Variants in DEPTOR observed in about 807,000 individuals in gnomAD.
DEPTOR encodes the protein DEP domain containing MTOR interacting protein, also known as DEP domain-containing mTOR-interacting protein.
In DEPTOR, 41 loss-of-function variants were observed where a neutral mutation model predicts 41.6. That is an observed-to-expected ratio of 0.98 (90% confidence interval 0.77 to 1.28). The LOEUF is 1.28. DEPTOR is among the 50% of genes most tolerant of loss of function. The probability of loss-of-function intolerance (pLI) is 0.00; values close to 1 mark genes in which losing one functional copy is unlikely to be tolerated. For missense variants in DEPTOR, 514 were observed against 527.9 expected, an observed-to-expected ratio of 0.97 and a Z score of 0.26; for synonymous variants, 195 against 192.3, an observed-to-expected ratio of 1.01 and a Z score of -0.12.
intron 8 of DEPTOR, among the ~76,000 whole-genome samples, chr8:120,045,974 C>T (rs1485656519): frequency 1.3e-5 from 2 of 152,124 alleles, no homozygotes; most frequent in Non-Finnish European, 2.9e-5. Flanking sequence ...GCTCATCCTC[C>T]CACACATACA....
chr8:119,947,209 C>G (rs909349909), intron 3 of DEPTOR, among the ~76,000 whole-genome samples: 2 of 152,190 alleles, frequency 1.3e-5, no homozygotes, highest in African/African-American at 4.8e-5. Context: ...CTCTCCGGAG[C>G]CATGGATGTT....
At chr8:119,928,633 T>C (rs1827994953) in intron 2 of DEPTOR, 55 bp downstream of exon 2, 1 of 1,563,510 alleles carries the variant, frequency 6.4e-7, no homozygotes, top group Admixed American at 1.9e-5. Context: ...ACTAGATCTT[T>C]TCATGAACAT....
intron 8 of DEPTOR, among the ~76,000 whole-genome samples, chr8:120,017,427 A>G (rs1205912272): frequency 1.3e-5 from 2 of 152,234 alleles, no homozygotes; most frequent in African/African-American, 4.8e-5. Context: ...AGCCCAAGAG[A>G]TGACATATTC....
intron 8 of DEPTOR, among the ~76,000 whole-genome samples, chr8:120,024,610 G>T (rs1396267064): frequency 6.6e-6 from 1 of 152,158 alleles, no homozygotes; most frequent in Non-Finnish European, 1.5e-5. Context: ...ACGCGAAGGG[G>T]AATTGTCCAT....
intron 3 of DEPTOR, among the ~76,000 whole-genome samples, 165 bp downstream of exon 3, chr8:119,930,103 A>G (rs1828022722): frequency 6.6e-6 from 1 of 152,246 alleles, no homozygotes; most frequent in African/African-American, 2.4e-5. Flanking sequence ...TCTCTTTGCC[A>G]GAAAATAAGT....
intron 1 of DEPTOR, among the ~76,000 whole-genome samples, chr8:119,892,281 G>A (rs762318574): frequency 1.3e-5 from 2 of 152,166 alleles, no homozygotes; most frequent in Non-Finnish European, 2.9e-5. Flanking sequence ...TTACAGGCAT[G>A]AGCTACTATA....
At chr8:119,941,724 G>T (rs1828207000) in intron 3 of DEPTOR, among the ~76,000 whole-genome samples, 1 of 152,166 alleles carries the variant, frequency 6.6e-6, no homozygotes, top group Non-Finnish European at 1.5e-5. Flanking sequence ...TCTAAACCAA[G>T]AAGATAAATA....
intron 4 of DEPTOR, among the ~76,000 whole-genome samples, chr8:119,998,084 A>G (rs1192625178): frequency 6.6e-6 from 1 of 152,292 alleles, no homozygotes; most frequent in Non-Finnish European, 1.5e-5. Flanking sequence ...GAATAAATGG[A>G]TGGATGATCA....
At chr8:119,965,952 A>G (rs189128999) in intron 4 of DEPTOR, among the ~76,000 whole-genome samples, 155 of 152,314 alleles carry the variant, frequency 1.0e-3, no homozygotes, top group African/African-American at 3.5e-3. Flanking sequence ...GAAGTGTTTT[A>G]GTCAGCCCTT....
chr8:119,956,529 A>G (rs1023290936), intron 3 of DEPTOR, among the ~76,000 whole-genome samples: 1 of 152,104 alleles, frequency 6.6e-6, no homozygotes, highest in African/African-American at 2.4e-5. Context: ...GACACAAGTT[A>G]ACCCCATCCA....
intron 1 of DEPTOR, among the ~76,000 whole-genome samples, chr8:119,896,477 A>C (rs1827521397): frequency 1.4e-5 from 2 of 145,274 alleles, no homozygotes; most frequent in Admixed American, 1.5e-4. Flanking sequence ...TTGAACTTTG[A>C]CTTTTCTTTG....
At chr8:119,981,908 A>G (rs950091457) in intron 4 of DEPTOR, among the ~76,000 whole-genome samples, 9 of 148,714 alleles carry the variant, frequency 6.1e-5, no homozygotes, top group African/African-American at 2.2e-4. Flanking sequence ...CCAGCTACTC[A>G]GGAGGCTGAG....
At chr8:119,951,963 C>A (rs1411626725) in intron 3 of DEPTOR, among the ~76,000 whole-genome samples, 1 of 152,052 alleles carries the variant, frequency 6.6e-6, no homozygotes, top group Admixed American at 6.6e-5. Context: ...ATGGCAAAAC[C>A]CTGTCTACTA....
At chr8:119,971,626 G>A (rs938089623) in intron 4 of DEPTOR, among the ~76,000 whole-genome samples, 1 of 152,176 alleles carries the variant, frequency 6.6e-6, no homozygotes, top group African/African-American at 2.4e-5. Context: ...CCAGACTTAG[G>A]CAGGTAAGGA....
intron 1 of DEPTOR, among the ~76,000 whole-genome samples, chr8:119,922,416 T>C (rs1179163558): frequency 2.6e-5 from 4 of 152,188 alleles, no homozygotes; most frequent in Non-Finnish European, 5.9e-5. Context: ...TATTCTTGGA[T>C]TCCTGACAGA....
intron 4 of DEPTOR, among the ~76,000 whole-genome samples, chr8:119,969,345 G>GTT (rs1418719836): frequency 1.9e-4 from 28 of 148,322 alleles, no homozygotes; most frequent in Non-Finnish European, 2.8e-4. Context: ...TAATAAATCT[G>GTT]TTTTGTTTTT....
intron 3 of DEPTOR, among the ~76,000 whole-genome samples, chr8:119,936,363 C>G (rs193195563): frequency 6.6e-6 from 1 of 152,142 alleles, no homozygotes; most frequent in Non-Finnish European, 1.5e-5. Flanking sequence ...ATGTTGTGAT[C>G]GCTATAAGCT....
chr8:120,022,882 G>A (rs1812742241), intron 8 of DEPTOR, among the ~76,000 whole-genome samples: 1 of 152,028 alleles, frequency 6.6e-6, no homozygotes. Flanking sequence ...CAACTGACCT[G>A]TACCTGGAAG....
chr8:119,925,485 C>T (rs1827952152), intron 1 of DEPTOR, among the ~76,000 whole-genome samples: 1 of 152,116 alleles, frequency 6.6e-6, no homozygotes, highest in African/African-American at 2.4e-5. Context: ...ACCACGCGAA[C>T]AGTATGGGGA....
Sources: gnomAD v4.1 joint callset for allele counts (sites outside exome capture counted in the v4.1 genomes callset) on GRCh38, gnomAD v4.1.1 for gene constraint, MANE v1.5 for transcripts, NCBI Gene and HGNC (gene_info 2026-07-23, HGNC 2026-07-21) for gene names.